LRP1B: variants seen among roughly 807,000 people sequenced by gnomAD.
LRP1B encodes low-density lipoprotein receptor-related protein 1B.
In LRP1B, 217 loss-of-function variants were observed where a neutral mutation model predicts 556.6. That is an observed-to-expected ratio of 0.39 (90% CI 0.35 to 0.44). LRP1B has a LOEUF of 0.44. Ranked by LOEUF, LRP1B falls within the 20% of genes least tolerant of loss-of-function variation. The probability of loss-of-function intolerance (pLI) is 1.00; values close to 1 mark genes in which losing one functional copy is unlikely to be tolerated. For synonymous variants in LRP1B, 2,047 were observed against 1,865.8 expected (o/e 1.10, Z -2.50); for missense variants, 5,053 against 5,620.8 (o/e 0.90, Z 3.23).
chr2:140,772,010 T>G (rs540215881), intron 33 of LRP1B, among the ~76,000 whole-genome samples: 162 of 152,342 alleles, frequency 1.1e-3, no homozygotes, highest in African/African-American at 3.6e-3. Flanking sequence ...CTGTCATTTT[T>G]GAAGTGTGAA....
intron 79 of LRP1B, among the ~76,000 whole-genome samples, chr2:140,327,256 G>C (rs976523800): frequency 7.2e-5 from 11 of 152,000 alleles, no homozygotes; most frequent in Admixed American, 6.6e-4. Context: ...TTAATAATCA[G>C]AATGGAAATA....
intron 7 of LRP1B, among the ~76,000 whole-genome samples, chr2:141,072,507 A>G (rs10496865): frequency 0.033 from 5,066 of 152,042 alleles, 233 homozygotes; most frequent in East Asian, 0.14. Context: ...ATGATGATAA[A>G]TAGTATGCTC....
intron 7 of LRP1B, among the ~76,000 whole-genome samples, chr2:141,144,207 A>C (rs1701726062): frequency 6.6e-6 from 1 of 152,162 alleles, no homozygotes; most frequent in Non-Finnish European, 1.5e-5. Context: ...AGTATTTTAG[A>C]CTTGTCTCTA....
intron 66 of LRP1B, among the ~76,000 whole-genome samples, chr2:140,388,155 G>A (rs553614799): frequency 3.3e-5 from 5 of 152,046 alleles, no homozygotes; most frequent in Admixed American, 6.5e-5. Context: ...CAGGCTGGTC[G>A]TGAACTCCTG....
At chr2:141,489,745 A>G (rs1476943391) in intron 2 of LRP1B, among the ~76,000 whole-genome samples, 1 of 152,112 alleles carries the variant, frequency 6.6e-6, no homozygotes, top group Non-Finnish European at 1.5e-5. Flanking sequence ...AAATAAAACA[A>G]ATTTATAGTA....
chr2:140,737,321 T>C (rs915933649), intron 35 of LRP1B, among the ~76,000 whole-genome samples: 4 of 152,138 alleles, frequency 2.6e-5, no homozygotes, highest in African/African-American at 9.7e-5. Context: ...TGCTTAGATA[T>C]GTTGAGGATT....
At chr2:140,317,296 C>T (rs530942338) in intron 82 of LRP1B, among the ~76,000 whole-genome samples, 39 of 152,040 alleles carry the variant, frequency 2.6e-4, no homozygotes, top group African/African-American at 8.0e-4. Context: ...CTCAGAACTT[C>T]GTATACATTA....
intron 35 of LRP1B, among the ~76,000 whole-genome samples, chr2:140,763,918 T>C (rs189958381): frequency 3.6e-4 from 55 of 152,224 alleles, no homozygotes; most frequent in African/African-American, 1.3e-3. Context: ...CAAAAAGTAG[T>C]TTTAGTTTCA....
rs56040453 is a variant in LRP1B at position 140,554,884 on chromosome 2, G to GTGTGTGTGTA, written c.7195-12914_7195-12913insTACACACACA. Among the ~76,000 whole-genome samples the GTGTGTGTGTA allele has an allele frequency of 1.5e-3, 219 of 148,654 alleles. 1 individual carries two copies. The East Asian group carries it at 0.016, about 11-fold the overall frequency. ...TGTGTGTGTGTGTGTGTGTGTGTGTGTATATGTATATGAACTACTAGCTAG... is the reference window on the plus strand; with the variant it reads ...TGTGTGTGTGTGTGTGTGTGTGTGTGTGTGTGTGTATATATGTATATGAACTACTAGCTAG... On this transcript the variant is annotated intron_variant, in intron 43 of 90. Coordinates refer to ENST00000389484, the MANE Select transcript of LRP1B (RefSeq NM_018557.3).
intron 6 of LRP1B, among the ~76,000 whole-genome samples, chr2:141,197,177 T>C (rs903601886): frequency 1.3e-5 from 2 of 152,082 alleles, no homozygotes; most frequent in African/African-American, 2.4e-5. Context: ...GATCAGACTA[T>C]AGTAGTGGAT....
intron 1 of LRP1B, among the ~76,000 whole-genome samples, chr2:141,876,449 T>C (rs2053175): frequency 0.16 from 24,002 of 151,854 alleles, 1,976 homozygotes; most frequent in South Asian, 0.19. Flanking sequence ...AGGAAATACA[T>C]AGTAATCAAG....
chr2:140,673,610 T>C (rs1034739998), intron 41 of LRP1B, among the ~76,000 whole-genome samples: 82 of 152,176 alleles, frequency 5.4e-4, no homozygotes, highest in Admixed American at 5.2e-3. Context: ...TCTTCCAACC[T>C]CTACCCAGTA....
chr2:141,044,845 T>C (rs897367852), intron 11 of LRP1B, among the ~76,000 whole-genome samples: 2 of 151,116 alleles, frequency 1.3e-5, no homozygotes, highest in African/African-American at 4.9e-5. Flanking sequence ...GTTCAACCAT[T>C]GTGGAAGTCA....
At chr2:142,093,650 T>G (rs1052683402) in intron 1 of LRP1B, among the ~76,000 whole-genome samples, 1 of 152,020 alleles carries the variant, frequency 6.6e-6, no homozygotes, top group African/African-American at 2.4e-5. Context: ...CAAGAAAGTG[T>G]GCATGTGCGT....
At chr2:140,599,414 A>T (rs534652325) in intron 42 of LRP1B, among the ~76,000 whole-genome samples, 21 of 152,176 alleles carry the variant, frequency 1.4e-4, no homozygotes, top group Non-Finnish European at 1.2e-4. Flanking sequence ...ATCATTTCTA[A>T]AACTCTAGGA....
At chr2:141,431,142 A>AAAATAAAT (rs36102221) in intron 3 of LRP1B, among the ~76,000 whole-genome samples, 1,838 of 148,280 alleles carry the variant, frequency 0.012, 35 homozygotes, top group African/African-American at 0.04. Flanking sequence ...TCAAAAAATC[A>AAAATAAAT]AAATAAATAA....
chr2:141,370,204 T>C (rs1444414911), intron 3 of LRP1B, among the ~76,000 whole-genome samples: 1 of 152,172 alleles, frequency 6.6e-6, no homozygotes, highest in Non-Finnish European at 1.5e-5. Context: ...AGTAGTTCTA[T>C]TTCTTTGAGA....
intron 63 of LRP1B, among the ~76,000 whole-genome samples, chr2:140,448,842 T>C (rs1327863054): frequency 6.6e-6 from 1 of 152,130 alleles, no homozygotes; most frequent in Non-Finnish European, 1.5e-5. Context: ...TATACATATA[T>C]GATAACATCA....
chr2:140,876,688 C>G (rs1693316284), intron 25 of LRP1B, among the ~76,000 whole-genome samples: 1 of 152,184 alleles, frequency 6.6e-6, no homozygotes, highest in South Asian at 2.1e-4. Context: ...CCACCCAACT[C>G]ATAGGTATTT....
Sources: allele counts gnomAD v4.1 joint callset (sites outside exome capture counted in the v4.1 genomes callset), GRCh38; gene constraint gnomAD v4.1.1; transcripts MANE v1.5; gene names NCBI Gene and HGNC (gene_info 2026-07-23, HGNC 2026-07-21).